STK17A: variants seen among roughly 807,000 people sequenced by gnomAD.
STK17A encodes serine/threonine kinase 17a.
Under a neutral mutation model 43.7 loss-of-function variants are expected in STK17A, and 26 were observed. That is an observed-to-expected ratio of 0.60 (90% CI 0.44 to 0.83). The LOEUF (loss-of-function observed/expected upper bound fraction) is 0.83. STK17A is among the 40% of genes least tolerant of loss of function. The pLI is 0.00. For missense variants in STK17A, 476 were observed against 511.6 expected, an observed-to-expected ratio of 0.93 and a Z score of 0.67; for synonymous variants, 191 against 182.5, an observed-to-expected ratio of 1.05 and a Z score of -0.38.
intron 6 of STK17A, 140 bp from the exon 7 acceptor site, chr7:43,624,378 A>T: frequency 8.8e-6 from 7 of 796,778 alleles, no homozygotes; most frequent in Non-Finnish European, 1.3e-5. Flanking sequence ...CAAGACTAAT[A>T]GTTTTATTCA....
intron 2 of STK17A, among the ~76,000 whole-genome samples, chr7:43,607,647 CAA>C (rs760624386): frequency 7.0e-4 from 38 of 54,348 alleles, no homozygotes; most frequent in African/African-American, 1.9e-3. Context: ...GACTCCGTCT[CAA>C]AAAAAAAAAA....
intron 4 of STK17A, among the ~76,000 whole-genome samples, chr7:43,621,592 C>T (rs542946265): frequency 3.3e-5 from 5 of 152,210 alleles, no homozygotes; most frequent in African/African-American, 7.2e-5. Flanking sequence ...CTCAGCCTCC[C>T]GAGTAGCTGG....
chr7:43,583,579 C>G, intron 1 of STK17A, 130 bp downstream of exon 1: 1 of 862,030 alleles, frequency 1.2e-6, no homozygotes, highest in Non-Finnish European at 1.5e-6. Flanking sequence ...CGCGTTGTGA[C>G]TTGGCACAAA....
rs1323087699 is a variant in STK17A, at chr7:43,595,992, G to C, written c.298G>C (p.Asp100His). 1.2e-6 allele frequency: 2 copies of C among 1,613,962 alleles called. No individual in the cohort carries two copies. The highest frequency in any genetic ancestry group is 1.7e-6 in the Non-Finnish European group (2 of 1,179,934). Residue 100 changes from aspartate to histidine, a missense_variant, in exon 2 of 7, where the codon GAT (aspartate) becomes CAT (histidine). Physicochemically the swap from Asp to His is moderately conservative, Grantham distance 81 (BLOSUM62 -1). Transcript: ENST00000319357. Reference sequence around the variant, plus strand: ...CATGAGAAAAAGAAGAAAAGGCCAAGATTGTCGGATGGAAATAATTCATGA... The same window carrying C: ...CATGAGAAAAAGAAGAAAAGGCCAACATTGTCGGATGGAAATAATTCATGA... ...KFMRKRRKGQ[D>H]CRMEIIHEIA...
intron 2 of STK17A, among the ~76,000 whole-genome samples, chr7:43,605,224 T>C (rs1014642563): frequency 1.3e-5 from 2 of 152,184 alleles, no homozygotes; most frequent in African/African-American, 4.8e-5. Flanking sequence ...ATCTAGAAAT[T>C]TTTGGTAAAA....
At position 43,625,078 on chromosome 7, in the gene STK17A, T is replaced by C; in HGVS notation, c.*236T>C. 5.6e-6 allele frequency: 2 copies of C among 354,344 alleles called. No homozygotes were observed. Among genetic ancestry groups the C allele is most frequent in the Admixed American group, 8.8e-5 (2 of 22,832 alleles). 21.9% of individuals were successfully genotyped at this position (354,344 alleles called of 1,614,324 possible). A position where few individuals can be genotyped will look rare whatever the true frequency, so the allele number is the denominator to read the frequency against. On this transcript the variant is annotated 3_prime_UTR_variant, in exon 7 of 7. Transcript: ENST00000319357. ...AATGTTATTTTTAAGAAGGGAGATG[T>C]TGGCACCTTTGAATTCTACATCCTG...
At chr7:43,589,937 A>T (rs1391310844) in intron 1 of STK17A, among the ~76,000 whole-genome samples, 26 of 103,862 alleles carry the variant, frequency 2.5e-4, no homozygotes, top group Admixed American at 1.4e-3. Flanking sequence ...TTTTAATTTT[A>T]ATTTTATTTT....
In STK17A at chr7:43,583,324, G is replaced by C. The variant is rs746384810; in HGVS notation, c.81G>C (p.Leu27=). ...GCTCGGGCCGGGCAGGCCGGGGTCT[G>C]AGCGGGCCGTGCCGGCCGCCGCCGC... ...TSGSGRAGRG[L]SGPCRPPPPP... Residue 27 remains leucine, a synonymous_variant, in exon 1 of 7, where the codon CTG becomes CTC. Transcript: ENST00000319357. 2.7e-6 allele frequency: 4 copies of C among 1,470,806 alleles called. No homozygotes were observed. The East Asian group carries it at 1.2e-4, about 43-fold the overall frequency. The allele number at this position is 1,470,806 out of a possible 1,614,324, so 91.1% of individuals were successfully genotyped here.
In STK17A at chr7:43,625,868, A is replaced by T. The variant is rs1219521874; in HGVS notation, c.*1026A>T. On this transcript the variant is annotated 3_prime_UTR_variant, in exon 7 of 7. Coordinates refer to ENST00000319357, the MANE Select transcript of STK17A (RefSeq NM_004760.3). The stretch of plus-strand genomic sequence containing the variant: ...AAAGTTATAAAATGCCAAAATATTT[A>T]TAAACATTTACTTTGTCCATAAAAA... The T allele has an allele frequency of 6.6e-6, 1 of 152,206 alleles. No homozygotes were observed. The highest frequency in any genetic ancestry group is 1.5e-5 in the Non-Finnish European group (1 of 68,036). The allele number at this position is 152,206 out of a possible 1,614,324, so 9.4% of individuals were successfully genotyped here. A position where few individuals can be genotyped will look rare whatever the true frequency, so the allele number is the denominator to read the frequency against.
intron 1 of STK17A, among the ~76,000 whole-genome samples, chr7:43,588,279 A>G (rs1444477153): frequency 6.6e-6 from 1 of 151,534 alleles, no homozygotes; most frequent in Admixed American, 6.6e-5. Context: ...GTAATTTTGT[A>G]TAGTCTTCAC....
At chr7:43,583,859 G>C (rs2082420617) in intron 1 of STK17A, among the ~76,000 whole-genome samples, 1 of 152,174 alleles carries the variant, frequency 6.6e-6, no homozygotes, top group South Asian at 2.1e-4. Context: ...CGACTTTCTT[G>C]GTCTGCCTGT....
chr7:43,608,303 A>C lies in STK17A; in HGVS notation c.467A>C (p.Glu156Ala), dbSNP rs1563149028. Residue 156 changes from glutamate (E) to alanine (A), a missense_variant, in exon 3 of 7, where the codon GAA (glutamate) becomes GCA (alanine). Glu to Ala is a moderately radical substitution (Grantham distance 107, BLOSUM62 -1). Transcript: ENST00000319357. The stretch of plus-strand genomic sequence containing the variant: ...GACCAGTGTGTTGCAGACAGAGAAG[A>C]AGCCTTTAAAGAAAAAGATGTTCAA... ...IFDQCVADREEAFKEKDVQRL... is the reference protein window; with the variant it reads ...IFDQCVADREAAFKEKDVQRL... 1 of 1,614,114 alleles carries C rather than the reference A, an allele frequency of 6.2e-7. No individual in the cohort carries two copies. Among genetic ancestry groups the C allele is most frequent in the East Asian group, 2.2e-5 (1 of 44,870 alleles).
At chr7:43,588,206 CA>C (rs1039551897) in intron 1 of STK17A, among the ~76,000 whole-genome samples, 6 of 151,012 alleles carry the variant, frequency 4.0e-5, no homozygotes, top group African/African-American at 1.5e-4. Context: ...AAATTAATGC[CA>C]AAAACAATAA....
intron 1 of STK17A, 73 bp downstream of exon 1, chr7:43,583,522 G>C: frequency 8.4e-7 from 1 of 1,186,514 alleles, no homozygotes; most frequent in Non-Finnish European, 1.1e-6. Flanking sequence ...GATAAGTGCC[G>C]GCGCCGCGGC....
chr7:43,594,131 G>T (rs1022511442), intron 1 of STK17A, among the ~76,000 whole-genome samples: 3 of 152,274 alleles, frequency 2.0e-5, no homozygotes, highest in East Asian at 3.9e-4. Context: ...GGTGGCATGT[G>T]CCTGTAATCC....
intron 6 of STK17A, among the ~76,000 whole-genome samples, 196 bp from the exon 7 acceptor site, chr7:43,624,322 C>A (rs2084253751): frequency 6.6e-6 from 1 of 152,154 alleles, no homozygotes; most frequent in African/African-American, 2.4e-5. Context: ...AATATTTCAA[C>A]ATTTTCACAA....
intron 1 of STK17A, among the ~76,000 whole-genome samples, chr7:43,593,933 C>T (rs2082497693): frequency 6.6e-6 from 1 of 152,032 alleles, no homozygotes; most frequent in Admixed American, 6.6e-5. Flanking sequence ...TTTATCAGCC[C>T]AATTTGAAAT....
intron 2 of STK17A, among the ~76,000 whole-genome samples, chr7:43,602,668 T>G (rs1158039313): frequency 6.6e-6 from 1 of 151,700 alleles, no homozygotes; most frequent in African/African-American, 2.4e-5. Flanking sequence ...ACTATATAAA[T>G]GTAAGTGTTC....
In STK17A at chr7:43,626,331, T is replaced by C. The variant is rs994827526; in HGVS notation, c.*1489T>C. ...AATGTGTGTAAATGTCATAGACATA[T>C]ACAAAGTCAGTAATCTCACCCAGTC... On this transcript the variant is annotated 3_prime_UTR_variant, in exon 7 of 7. Transcript: ENST00000319357. The C allele has an allele frequency of 6.6e-6, 1 of 152,236 alleles. No individual in the cohort carries two copies. The highest frequency in any genetic ancestry group is 1.5e-5 in the Non-Finnish European group (1 of 68,032). 9.4% of individuals were successfully genotyped at this position (152,236 alleles called of 1,614,324 possible).
Sources: gnomAD v4.1 joint callset for allele counts (sites outside exome capture counted in the v4.1 genomes callset) on GRCh38, gnomAD v4.1.1 for gene constraint, MANE v1.5 for transcripts, NCBI Gene and HGNC (gene_info 2026-07-23, HGNC 2026-07-21) for gene names.